Variants in TXLNA observed in about 807,000 individuals in gnomAD.
The protein encoded by TXLNA is alpha-taxilin.
Under a neutral mutation model 61.4 loss-of-function variants are expected in TXLNA, and 9 were observed. The ratio of observed to expected loss-of-function variants is 0.15; its 90% CI spans 0.09 to 0.26. The LOEUF is 0.26. TXLNA is among the 10% of genes least tolerant of loss of function. TXLNA has a pLI of 1.00. For synonymous variants in TXLNA, 257 were observed against 267.7 expected, an observed-to-expected ratio of 0.96 and a Z score of 0.39; for missense variants, 565 against 688.8, an observed-to-expected ratio of 0.82 and a Z score of 2.01.
intron 4 of TXLNA, among the ~76,000 whole-genome samples, chr1:32,186,205 T>TG (rs1387713964): frequency 6.6e-6 from 1 of 152,106 alleles, no homozygotes; most frequent in Non-Finnish European, 1.5e-5. Context: ...GGAAATGAGT[T>TG]GCTAGAGTGG....
chr1:32,194,840 G>T, intron 10 of TXLNA, 62 bp from the exon 11 acceptor site: 1 of 1,531,584 alleles, frequency 6.5e-7, no homozygotes, highest in Non-Finnish European at 8.8e-7. Flanking sequence ...TTGCCGCCAA[G>T]TGGTGATGGT....
At chr1:32,180,116 G>A (rs929545600) in intron 1 of TXLNA, 198 bp from the exon 2 acceptor site, 7 of 500,374 alleles carry the variant, frequency 1.4e-5, no homozygotes, top group African/African-American at 4.0e-5. Flanking sequence ...ACCCGCTGTG[G>A]GAGCTGCGCC....
At position 32,192,501 on chromosome 1, in the gene TXLNA, C is replaced by T. The variant is rs971820853; in HGVS notation, c.1083+71C>T. The T allele has an allele frequency of 2.6e-5, 41 of 1,601,544 alleles. No homozygotes were observed. Among genetic ancestry groups the T allele is most frequent in the South Asian group, 4.5e-5 (4 of 89,828 alleles). On this transcript the variant is annotated intron_variant, in intron 7 of 10. Coordinates refer to ENST00000373610, the MANE Select transcript of TXLNA (RefSeq NM_175852.4). The surrounding 1 kb of genome is among the most constrained non-coding windows in gnomAD (Gnocchi z 4.2). ...GCTGGGCTCTGGCTCAGCTCATAGC[C>T]GGGTTATATGGGAGAAGTCTGGCCA...
intron 2 of TXLNA, 95 bp downstream of exon 2, chr1:32,180,609 A>C (rs762287958): frequency 6.9e-7 from 1 of 1,440,744 alleles, no homozygotes; most frequent in Non-Finnish European, 9.2e-7. Context: ...GTTGTCCGGG[A>C]GGAGGAGATG....
intron 3 of TXLNA, among the ~76,000 whole-genome samples, chr1:32,183,234 C>T (rs1241955962): frequency 6.6e-6 from 1 of 151,428 alleles, no homozygotes; most frequent in Non-Finnish European, 1.5e-5. Flanking sequence ...CACCATTCTC[C>T]TGCCTCAGCC....
chr1:32,182,299 G>C (rs563134152), intron 3 of TXLNA, among the ~76,000 whole-genome samples: 1 of 152,070 alleles, frequency 6.6e-6, no homozygotes, highest in Non-Finnish European at 1.5e-5. Flanking sequence ...CAGAGGGAAG[G>C]CTCCCTGACT....
At chr1:32,188,300 C>T (rs1299498959) in intron 5 of TXLNA, among the ~76,000 whole-genome samples, 176 bp downstream of exon 5, 1 of 152,114 alleles carries the variant, frequency 6.6e-6, no homozygotes, top group Non-Finnish European at 1.5e-5. Flanking sequence ...TAGTAATATA[C>T]TTAACCCAAT....
chr1:32,182,166 A>AT (rs989377536), intron 3 of TXLNA, among the ~76,000 whole-genome samples: 15 of 137,540 alleles, frequency 1.1e-4, no homozygotes, highest in African/African-American at 4.1e-4. Context: ...AGAACTCTAG[A>AT]TTTTTTCATA....
chr1:32,184,563 C>CTT lies in TXLNA; in HGVS notation c.545_546insTT (p.Ser183Ter). On this transcript the variant is annotated frameshift_variant, in exon 4 of 11. Transcript: ENST00000373610. LOFTEE classifies it high-confidence loss of function. Reference sequence around the variant, plus strand: ...GTTGCTGATGCAGACATTGAATACTCTGAGTACCCCAGAGGAGAAGCTGGC... The same window carrying CTT: ...GTTGCTGATGCAGACATTGAATACTCTTTGAGTACCCCAGAGGAGAAGCTGGC... 1 of 1,613,936 alleles carries CTT rather than the reference C, an allele frequency of 6.2e-7. No individual in the cohort carries two copies. Among genetic ancestry groups the CTT allele is most frequent in the Non-Finnish European group, 8.5e-7 (1 of 1,179,792 alleles).
chr1:32,181,400 G>A lies in TXLNA; in HGVS notation c.328G>A (p.Ala110Thr). The change falls in exon 3 of 11, where the codon GCA (alanine) becomes ACA (threonine). Residue 110 changes from alanine to threonine, a missense_variant. Ala to Thr is a moderately conservative substitution (Grantham distance 58). Coordinates refer to ENST00000373610, the MANE Select transcript of TXLNA (RefSeq NM_175852.4). ...GGGTGAGCCGGCTGAACCCGAAGATGCAGAGAAGTCCCGGACCTATGTGGC... is the reference window on the plus strand; with the variant it reads ...GGGTGAGCCGGCTGAACCCGAAGATACAGAGAAGTCCCGGACCTATGTGGC... ...AQGEPAEPED[A>T]EKSRTYVARN... 6.2e-7 allele frequency: 1 copy of A among 1,614,238 alleles called. No homozygotes were observed. The highest frequency in any genetic ancestry group is 1.1e-5 in the South Asian group (1 of 91,088).
chr1:32,181,675 C>T lies in TXLNA; in HGVS notation c.505+98C>T, dbSNP rs141283142. On this transcript the variant is annotated intron_variant, in intron 3 of 10. Coordinates refer to ENST00000373610, the MANE Select transcript of TXLNA (RefSeq NM_175852.4). ...TGTTCTGCCAGGATTCAAAGGAAAA[C>T]GGTACTTCTCAGAGCAGCAAGTCAC... is the stretch of plus-strand genomic sequence containing the variant. 7.1e-3 allele frequency: 8,354 copies of T among 1,182,076 alleles called. 40 individuals carry two copies. The highest frequency in any genetic ancestry group is 8.4e-3 in the Non-Finnish European group (7,243 of 858,164). 73.2% of individuals were successfully genotyped at this position (1,182,076 alleles called of 1,614,324 possible). A position where few individuals can be genotyped will look rare whatever the true frequency, so the allele number is the denominator to read the frequency against.
intron 6 of TXLNA, among the ~76,000 whole-genome samples, chr1:32,190,529 A>G (rs1642883637): frequency 6.6e-6 from 1 of 152,210 alleles, no homozygotes; most frequent in Non-Finnish European, 1.5e-5. Flanking sequence ...GAATGGAGGT[A>G]CATGTATGGA....
At chr1:32,185,526 G>A (rs1642769058) in intron 4 of TXLNA, among the ~76,000 whole-genome samples, 2 of 150,308 alleles carry the variant, frequency 1.3e-5, no homozygotes, top group Non-Finnish European at 3.0e-5. Context: ...CCGAGTAGCT[G>A]GGTCTACAGG....
At chr1:32,185,341 T>G (rs1642757876) in intron 4 of TXLNA, among the ~76,000 whole-genome samples, 2 of 152,150 alleles carry the variant, frequency 1.3e-5, no homozygotes, top group African/African-American at 4.8e-5. Context: ...ATTTATCCAT[T>G]GATGGTCACA....
chr1:32,191,158 G>T (rs560489811), intron 6 of TXLNA, among the ~76,000 whole-genome samples: 2 of 151,396 alleles, frequency 1.3e-5, no homozygotes, highest in South Asian at 4.2e-4. Flanking sequence ...GCCACCCCAG[G>T]CACTTGAATC....
chr1:32,185,787 C>T (rs1642777119), intron 4 of TXLNA, among the ~76,000 whole-genome samples: 3 of 151,712 alleles, frequency 2.0e-5, no homozygotes, highest in Admixed American at 6.6e-5. Flanking sequence ...CAACCTCCAC[C>T]TCCCAGGTTC....
chr1:32,182,957 C>T (rs1481220738), intron 3 of TXLNA, among the ~76,000 whole-genome samples: 2 of 151,274 alleles, frequency 1.3e-5, no homozygotes, highest in African/African-American at 4.9e-5. Context: ...ATCCCAGATA[C>T]TCGGGAGGCT....
intron 6 of TXLNA, among the ~76,000 whole-genome samples, chr1:32,191,583 A>G (rs1642908138): frequency 3.3e-5 from 5 of 152,256 alleles, no homozygotes; most frequent in Admixed American, 3.3e-4. Context: ...AGGACTTAGT[A>G]CTACCTGTGG....
intron 6 of TXLNA, 143 bp downstream of exon 6, chr1:32,190,392 T>G: frequency 1.2e-6 from 1 of 821,712 alleles, no homozygotes; most frequent in Non-Finnish European, 1.9e-6. Flanking sequence ...AGTAATGTTA[T>G]TCCTCATAGA....
Sources: gnomAD v4.1 joint callset for allele counts (sites outside exome capture counted in the v4.1 genomes callset) on GRCh38, gnomAD v4.1.1 for gene constraint, Gnocchi (gnomAD v3.1) non-coding constraint, MANE v1.5 for transcripts, NCBI Gene and HGNC (gene_info 2026-07-23, HGNC 2026-07-21) for gene names.